GATA3: variants seen among roughly 807,000 people sequenced by gnomAD.
GATA3 encodes the protein trans-acting T-cell-specific transcription factor GATA-3.
GATA3 carries 6 observed loss-of-function variants against 36.0 expected under a neutral mutation model. The observed-to-expected ratio is 0.17, with a 90% confidence interval of 0.09 to 0.33. The LOEUF is 0.33. Ranked by LOEUF, GATA3 falls within the 10% of genes least tolerant of loss-of-function variation. GATA3 has a pLI of 1.00. For missense variants in GATA3, 514 were observed against 610.1 expected (o/e 0.84, Z 1.66); for synonymous variants, 326 against 273.0 (o/e 1.19, Z -1.92).
intron 2 of GATA3, among the ~76,000 whole-genome samples, chr10:8,057,796 G>A (rs376837448): frequency 1.3e-5 from 2 of 152,180 alleles, no homozygotes; most frequent in East Asian, 1.9e-4. Context: ...CTCCAGGGTC[G>A]TTTTCTGGTG....
rs1554795206 is a variant in GATA3, at chr10:8,061,089, C to CTT, written c.778+2253_778+2254dup. Among the ~76,000 whole-genome samples, 631 of 145,738 alleles carry CTT rather than the reference C, an allele frequency of 4.3e-3. 2 individuals are homozygous for CTT. Among genetic ancestry groups the CTT allele is most frequent in the African/African-American group, 0.012 (459 of 38,992 alleles). ...TTGCTCTCTCTCTCTCTCTCTCTCT[C>CTT]TTTTTTACCCCTTTAACCTCTTCTT... is the stretch of plus-strand genomic sequence containing the variant. On this transcript the variant is annotated intron_variant, in intron 3 of 5. Coordinates refer to ENST00000379328, the MANE Select transcript of GATA3 (RefSeq NM_001002295.2).
intron 2 of GATA3, among the ~76,000 whole-genome samples, 188 bp downstream of exon 2, chr10:8,056,084 G>GT (rs1208960470): frequency 6.6e-6 from 1 of 152,208 alleles, no homozygotes; most frequent in African/African-American, 2.4e-5. Context: ...GCGAGAGTGT[G>GT]TTTTGAAAGA....
rs1241255776 is a variant in GATA3, at chr10:8,058,323, C to T, written c.260C>T (p.Pro87Leu). 1.9e-6 allele frequency: 3 copies of T among 1,613,578 alleles called. No individual in the cohort carries two copies. Among genetic ancestry groups the T allele is most frequent in the Non-Finnish European group, 2.5e-6 (3 of 1,180,006 alleles). Residue 87 changes from proline (P) to leucine (L), a missense_variant, in exon 3 of 6, where the codon CCG (proline) becomes CTG (leucine). Transcript: ENST00000379328. ...CCCACAGGGAGCCAGGTGTGCCGCC[C>T]GCCTCTGCTTCATGGATCCCTACCC... is the stretch of plus-strand genomic sequence containing the variant. ...PTHHGSQVCR[P>L]PLLHGSLPWL...
intron 4 of GATA3, among the ~76,000 whole-genome samples, chr10:8,065,918 C>T (rs538215200): frequency 2.0e-5 from 2 of 100,154 alleles, no homozygotes; most frequent in African/African-American, 7.8e-5. Flanking sequence ...AATATGATCA[C>T]ACCACAAAAG....
intron 4 of GATA3, among the ~76,000 whole-genome samples, chr10:8,067,469 C>T (rs1030261302): frequency 2.0e-5 from 3 of 152,202 alleles, no homozygotes; most frequent in Non-Finnish European, 4.4e-5. Flanking sequence ...CCATATCTGG[C>T]AGCTTCGGGT....
At chr10:8,062,035 G>T (rs1832757528) in intron 3 of GATA3, among the ~76,000 whole-genome samples, 1 of 152,014 alleles carries the variant, frequency 6.6e-6, no homozygotes, top group Non-Finnish European at 1.5e-5. Context: ...ACACAAAAAG[G>T]CAGGCCTGCG....
chr10:8,055,817 C>T lies in GATA3; in HGVS notation c.162C>T (p.Asp54=), dbSNP rs1211433734. 1.9e-6 allele frequency: 3 copies of T among 1,591,904 alleles called. No homozygotes were observed. The African/African-American group carries it at 4.0e-5, about 21-fold the overall frequency. The part of the protein sequence containing the change: ...PEEVDVLFNI[D]GQGNHVPPYY... ...AGGTGGATGTGCTTTTTAACATCGA[C>T]GGTCAAGGCAACCACGTCCCGCCCT... Residue 54 remains aspartate (D), a synonymous_variant, in exon 2 of 6, where the codon GAC becomes GAT. Transcript: ENST00000379328. The surrounding 1 kb of genome is among the most constrained non-coding windows in gnomAD (Gnocchi z 5.4).
At chr10:8,058,896 A>C in intron 3 of GATA3, 55 bp downstream of exon 3, 3 of 1,543,976 alleles carry the variant, frequency 1.9e-6, no homozygotes, top group Non-Finnish European at 2.6e-6. Context: ...CCTTTTCCTC[A>C]ATCCAGGGCC....
At position 8,071,747 on chromosome 10, in the gene GATA3, C is replaced by T. The variant is rs117444152; in HGVS notation, c.1051-1992C>T. Among the ~76,000 whole-genome samples, 880 of 152,268 alleles carry T rather than the reference C, an allele frequency of 5.8e-3. 3 individuals carry two copies. The highest frequency in any genetic ancestry group is 7.6e-3 in the Non-Finnish European group (520 of 68,024). On this transcript the variant is annotated intron_variant, in intron 5 of 5. Coordinates refer to ENST00000379328, the MANE Select transcript of GATA3 (RefSeq NM_001002295.2). Reference sequence around the variant, plus strand: ...TAATAATCTATTAACATTGTCATCACGTTGCGTTTTGCTCTGCCCTTCCAG... The same window carrying T: ...TAATAATCTATTAACATTGTCATCATGTTGCGTTTTGCTCTGCCCTTCCAG...
upstream of GATA3, among the ~76,000 whole-genome samples, chr10:8,050,125 C>T (rs1344950466): frequency 6.6e-6 from 1 of 152,236 alleles, no homozygotes; most frequent in African/African-American, 2.4e-5. Flanking sequence ...AAGAAGCCGG[C>T]GCCTCCCCAA....
intron 2 of GATA3, among the ~76,000 whole-genome samples, chr10:8,056,119 T>C (rs1832632698): frequency 6.6e-6 from 1 of 152,150 alleles, no homozygotes; most frequent in African/African-American, 2.4e-5. Context: ...CTCTCCCGGC[T>C]GGTGGCCCTG....
chr10:8,067,261 C>T (rs1436129203), intron 4 of GATA3, among the ~76,000 whole-genome samples: 1 of 152,202 alleles, frequency 6.6e-6, no homozygotes, highest in Non-Finnish European at 1.5e-5. Flanking sequence ...CAGCAAAAGA[C>T]TCCCATCTTC....
intron 5 of GATA3, 35 bp downstream of exon 5, chr10:8,069,633 C>T (rs2131512601): frequency 6.2e-7 from 1 of 1,613,190 alleles, no homozygotes; most frequent in Non-Finnish European, 8.5e-7. Context: ...ACAGGGCTCG[C>T]TTCCTGATGG....
upstream of GATA3, chr10:8,053,597 T>G (rs2131476056): frequency 6.8e-6 from 1 of 146,386 alleles, no homozygotes; most frequent in South Asian, 2.5e-4. The surrounding 1 kb of genome is among the most constrained non-coding windows in gnomAD (Gnocchi z 5.1). Context: ...GCCCCGCCCC[T>G]CTCGCTGGGG....
chr10:8,066,343 T>C (rs1338161282), intron 4 of GATA3, among the ~76,000 whole-genome samples: 1 of 152,156 alleles, frequency 6.6e-6, no homozygotes, highest in Non-Finnish European at 1.5e-5. Flanking sequence ...TCTTTCTTAA[T>C]CATCTGTCTT....
chr10:8,046,772 G>T (rs1441129952), intron 1 of GATA3, among the ~76,000 whole-genome samples: 1 of 151,964 alleles, frequency 6.6e-6, no homozygotes, highest in Non-Finnish European at 1.5e-5. Flanking sequence ...TCGGGGCGTG[G>T]TGTCAGTTCA....
chr10:8,055,608 G>T lies in GATA3; in HGVS notation c.-48G>T, dbSNP rs554517990. The T allele has an allele frequency of 5.5e-4, 836 of 1,521,422 alleles. 2 individuals are homozygous for T. The African/African-American group carries it at 0.011, about 19-fold the overall frequency. The allele number at this position is 1,521,422 out of a possible 1,614,324, so 94.2% of individuals were successfully genotyped here. Reference sequence around the variant, plus strand: ...CCCAGGCGGACCGCCCTCCCTCCCCGCGCGCGGGTTCCGGGCCCGGCGAGA... The same window carrying T: ...CCCAGGCGGACCGCCCTCCCTCCCCTCGCGCGGGTTCCGGGCCCGGCGAGA... On this transcript the variant is annotated 5_prime_UTR_variant, in exon 2 of 6. Coordinates refer to ENST00000379328, the MANE Select transcript of GATA3 (RefSeq NM_001002295.2). The surrounding 1 kb of genome is among the most constrained non-coding windows in gnomAD (Gnocchi z 5.4).
rs772702764 is a variant in GATA3 at position 8,058,714 on chromosome 10, C to T, written c.651C>T (p.His217=). ...GTGGAGCCTCCTCGTCGACCCACCACCCCATCACCACCTACCCGCCCTACG... is the reference window on the plus strand; with the variant it reads ...GTGGAGCCTCCTCGTCGACCCACCATCCCATCACCACCTACCCGCCCTACG... The part of the protein sequence containing the change: ...ALGGASSSTH[H]PITTYPPYVP... Residue 217 remains histidine (H), a synonymous_variant, in exon 3 of 6, where the codon CAC becomes CAT. Coordinates refer to ENST00000379328, the MANE Select transcript of GATA3 (RefSeq NM_001002295.2). The T allele has an allele frequency of 2.0e-5, 32 of 1,612,794 alleles. No individual in the cohort carries two copies. Among genetic ancestry groups the T allele is most frequent in the Non-Finnish European group, 2.6e-5 (31 of 1,179,954 alleles).
At chr10:8,048,857 T>C (rs1421326719), upstream of GATA3, among the ~76,000 whole-genome samples, 1 of 151,436 alleles carries the variant, frequency 6.6e-6, no homozygotes, top group Non-Finnish European at 1.5e-5. Context: ...AATTTTTATC[T>C]CGCTACAATC....
Sources: gnomAD v4.1 joint callset for allele counts (sites outside exome capture counted in the v4.1 genomes callset) on GRCh38, gnomAD v4.1.1 for gene constraint, Gnocchi (gnomAD v3.1) non-coding constraint, MANE v1.5 for transcripts, NCBI Gene and HGNC (gene_info 2026-07-23, HGNC 2026-07-21) for gene names.